Variants in CAPZA2 observed in about 807,000 individuals in gnomAD.
CAPZA2 encodes the protein capping actin protein of muscle Z-line subunit alpha 2.
A neutral mutation model predicts 44.0 loss-of-function variants in CAPZA2; 13 were observed. That is an observed-to-expected ratio of 0.30 (90% CI 0.19 to 0.47). The LOEUF (loss-of-function observed/expected upper bound fraction) is 0.47. Ranked by LOEUF, CAPZA2 falls within the 20% of genes least tolerant of loss-of-function variation. CAPZA2 has a pLI of 1.00. For missense variants in CAPZA2, 244 were observed against 338.6 expected, an observed-to-expected ratio of 0.72 and a Z score of 2.19; for synonymous variants, 94 against 108.2, an observed-to-expected ratio of 0.87 and a Z score of 0.81.
intron 5 of CAPZA2, 63 bp from the exon 6 acceptor site, chr7:116,906,200 T>A: frequency 6.3e-7 from 1 of 1,575,260 alleles, no homozygotes; most frequent in Non-Finnish European, 8.6e-7. Context: ...TTTTATAGAT[T>A]TTTAAAGTTG....
At chr7:116,900,294 C>T (rs527630184) in intron 4 of CAPZA2, among the ~76,000 whole-genome samples, 1 of 150,120 alleles carries the variant, frequency 6.7e-6, no homozygotes, top group Non-Finnish European at 1.5e-5. Context: ...GGAGATGTAG[C>T]AAATAAGACA....
chr7:116,899,977 A>G (rs1796974464), intron 4 of CAPZA2, among the ~76,000 whole-genome samples: 1 of 151,716 alleles, frequency 6.6e-6, no homozygotes, highest in African/African-American at 2.4e-5. Context: ...CCAAAACTAA[A>G]CAGAATTTTT....
At chr7:116,881,293 C>G (rs1431651150) in intron 1 of CAPZA2, among the ~76,000 whole-genome samples, 1 of 151,966 alleles carries the variant, frequency 6.6e-6, no homozygotes. Flanking sequence ...AAAAATCAAT[C>G]CTGGACAGAT....
intron 5 of CAPZA2, among the ~76,000 whole-genome samples, chr7:116,904,969 T>TAAAAAAAAAAAAA (rs371485695): frequency 8.4e-4 from 80 of 95,562 alleles, no homozygotes; most frequent in East Asian, 2.3e-3. Flanking sequence ...TGTCTCTACT[T>TAAAAAAAAAAAAA]AAAAAAAAAA....
rs566051614 is a variant in CAPZA2 at position 116,883,922 on chromosome 7, G to A, written c.40-4205G>A. ...TAGGTAGTGTTTGTATAAGTCATTA[G>A]GAGTATTAAAAATAATTACCTCAAA... is the stretch of plus-strand genomic sequence containing the variant. On this transcript the variant is annotated intron_variant, in intron 1 of 9. Coordinates refer to ENST00000361183, the MANE Select transcript of CAPZA2 (RefSeq NM_006136.3). Among the ~76,000 whole-genome samples, 51 of 152,244 alleles carry A rather than the reference G, an allele frequency of 3.3e-4. 3 individuals are homozygous for A. In the South Asian group the frequency reaches 7.5e-3, roughly 22 times the overall value.
intron 7 of CAPZA2, among the ~76,000 whole-genome samples, chr7:116,911,436 GT>G (rs762711602): frequency 3.9e-5 from 6 of 152,152 alleles, no homozygotes; most frequent in Non-Finnish European, 7.4e-5. Context: ...GAGTTGACTG[GT>G]TTGCTACCTG....
intron 1 of CAPZA2, among the ~76,000 whole-genome samples, chr7:116,871,310 T>C (rs771232858): frequency 7.9e-5 from 12 of 152,224 alleles, no homozygotes; most frequent in Non-Finnish European, 1.2e-4. Flanking sequence ...GGAGCGGTGC[T>C]CAGTGTTGCA....
At chr7:116,912,047 C>T (rs757512962) in intron 7 of CAPZA2, 22 bp from the exon 8 acceptor site, 15 of 1,610,436 alleles carry the variant, frequency 9.3e-6, no homozygotes, top group Non-Finnish European at 1.2e-5. Context: ...AATGTGGTTT[C>T]TGTAATTTCT....
chr7:116,914,037 T>TC (rs1791634749), intron 8 of CAPZA2, among the ~76,000 whole-genome samples: 1 of 149,334 alleles, frequency 6.7e-6, no homozygotes, highest in African/African-American at 2.4e-5. Context: ...TTTTTTTTTT[T>TC]TTTTTTTTGA....
At chr7:116,897,266 A>G (rs1796940213) in intron 3 of CAPZA2, among the ~76,000 whole-genome samples, 1 of 152,178 alleles carries the variant, frequency 6.6e-6, no homozygotes, top group South Asian at 2.1e-4. Context: ...AGGATTAATA[A>G]TGCCCTGGCT....
At chr7:116,889,562 C>T (rs1258934400) in intron 2 of CAPZA2, among the ~76,000 whole-genome samples, 1 of 145,450 alleles carries the variant, frequency 6.9e-6, no homozygotes, top group African/African-American at 2.6e-5. Flanking sequence ...CTCCCCATCT[C>T]TACCAAAAAA....
intron 1 of CAPZA2, among the ~76,000 whole-genome samples, chr7:116,881,513 G>T (rs1036201116): frequency 1.1e-4 from 16 of 152,094 alleles, no homozygotes; most frequent in East Asian, 5.8e-4. Context: ...GCCAAGGTGG[G>T]CGGATCACGA....
intron 3 of CAPZA2, among the ~76,000 whole-genome samples, chr7:116,894,871 A>T (rs1160967767): frequency 6.6e-6 from 1 of 152,136 alleles, no homozygotes; most frequent in Non-Finnish European, 1.5e-5. Flanking sequence ...TTGTATCTGT[A>T]TAGCACATTT....
At chr7:116,872,192 C>G (rs1160899369) in intron 1 of CAPZA2, among the ~76,000 whole-genome samples, 1 of 151,904 alleles carries the variant, frequency 6.6e-6, no homozygotes, top group African/African-American at 2.4e-5. Context: ...TTGTTTTTTC[C>G]TGCTATTTCA....
chr7:116,885,892 C>T (rs1005371025), intron 1 of CAPZA2, among the ~76,000 whole-genome samples: 6 of 152,052 alleles, frequency 3.9e-5, no homozygotes, highest in Non-Finnish European at 7.4e-5. Context: ...AAACCATTGG[C>T]GACTGGTAAT....
At chr7:116,911,253 C>T (rs1338141782) in intron 7 of CAPZA2, among the ~76,000 whole-genome samples, 1 of 152,088 alleles carries the variant, frequency 6.6e-6, no homozygotes, top group Non-Finnish European at 1.5e-5. Context: ...AGCATAGTAC[C>T]ATATGATTGT....
chr7:116,893,471 C>T (rs753192291), intron 3 of CAPZA2, among the ~76,000 whole-genome samples: 9 of 152,132 alleles, frequency 5.9e-5, no homozygotes, highest in Non-Finnish European at 1.2e-4. Flanking sequence ...TAGATATTTG[C>T]ACATCAAGTT....
At chr7:116,890,555 TATATATATATATACAC>T (rs1252013730) in intron 2 of CAPZA2, among the ~76,000 whole-genome samples, 43 of 11,556 alleles carry the variant, frequency 3.7e-3, no homozygotes, top group East Asian at 0.013. Context: ...TATATATATA[TATATATATATATACAC>T]ATATATATAT....
intron 1 of CAPZA2, chr7:116,874,587 C>A (rs1562956988): frequency 6.6e-6 from 1 of 152,246 alleles, no homozygotes; most frequent in African/African-American, 2.4e-5. Context: ...CAAGCATCAG[C>A]AGAAGGTGTT....
Sources: gnomAD v4.1 joint callset for allele counts (sites outside exome capture counted in the v4.1 genomes callset) on GRCh38, gnomAD v4.1.1 for gene constraint, MANE v1.5 for transcripts, NCBI Gene and HGNC (gene_info 2026-07-23, HGNC 2026-07-21) for gene names.